The following ETV5 variants were observed in gnomAD, a reference collection of about 807,000 sequenced individuals.
ETV5 encodes the protein ETS variant transcription factor 5.
ETV5 carries 10 observed loss-of-function variants against 70.0 expected under a neutral mutation model. That is an observed-to-expected ratio of 0.14 (90% confidence interval 0.09 to 0.24). The LOEUF (loss-of-function observed/expected upper bound fraction) is 0.24. Among genes scored for constraint, ETV5 ranks in the 10% least tolerant of loss-of-function variants. ETV5 has a pLI of 1.00. For missense variants in ETV5, 453 were observed against 651.2 expected, an observed-to-expected ratio of 0.70 and a Z score of 3.31; for synonymous variants, 216 against 242.2, an observed-to-expected ratio of 0.89 and a Z score of 1.01.
rs149408913 is a variant in ETV5 at position 186,055,260 on chromosome 3, A to G, written c.1209+1815T>C. 1.5e-3 allele frequency among the ~76,000 whole-genome samples: 234 copies of G among 152,354 alleles called. 3 individuals carry two copies. The highest frequency in any genetic ancestry group is 3.9e-3 in the South Asian group (19 of 4,830). ...CCTGTTTGTGAAACAAGATAAATCA[A>G]TAAGGGCTGCCCACATGACAGAACT... On this transcript the variant is annotated intron_variant, in intron 11 of 12. Coordinates refer to ENST00000306376, the MANE Select transcript of ETV5 (RefSeq NM_004454.3).
chr3:186,075,763 A>G (rs1713768777), intron 7 of ETV5, among the ~76,000 whole-genome samples: 1 of 152,244 alleles, frequency 6.6e-6, no homozygotes. Flanking sequence ...GCTATCCAGA[A>G]GCAGAGGATT....
At chr3:186,059,031 T>A (rs9883554) in intron 9 of ETV5, among the ~76,000 whole-genome samples, 101,309 of 148,662 alleles carry the variant, frequency 0.68, 36,110 homozygotes, top group Non-Finnish European at 0.8. Flanking sequence ...AAAAATAAAA[T>A]AAAAATAAAA....
intron 7 of ETV5, among the ~76,000 whole-genome samples, chr3:186,076,781 A>C (rs1216559780): frequency 6.6e-6 from 1 of 152,230 alleles, no homozygotes; most frequent in Admixed American, 6.5e-5. Flanking sequence ...CAGATACGGC[A>C]CACCCAGCAA....
At position 186,105,323 on chromosome 3, in the gene ETV5, C is replaced by T. The variant is rs751536392; in HGVS notation, c.214G>A (p.Asp72Asn). 1.9e-6 allele frequency: 3 copies of T among 1,612,700 alleles called. No homozygotes were observed. The highest frequency in any genetic ancestry group is 2.5e-6 in the Non-Finnish European group (3 of 1,179,792). ...QVPDDEQFVP[D>N]FQSDNLVLHA... is the part of the protein sequence containing the mutation. ...TACTTACGGTTATCAGACTGAAAAT[C>T]TGGGACAAACTGTTCATCATCAGGA... is the stretch of plus-strand genomic sequence containing the variant. Residue 72 changes from aspartate to asparagine, a missense_variant, in exon 5 of 13, where the codon GAT becomes AAT. Physicochemically the swap from Asp to Asn is conservative, Grantham distance 23 (BLOSUM62 1). Coordinates refer to ENST00000306376, the MANE Select transcript of ETV5 (RefSeq NM_004454.3). This position sits in a 1 kb window ranked among gnomAD's most constrained non-coding sequence, Gnocchi z 4.5.
chr3:186,087,625 T>C (rs1479584181), intron 5 of ETV5, among the ~76,000 whole-genome samples: 1 of 152,112 alleles, frequency 6.6e-6, no homozygotes, highest in Non-Finnish European at 1.5e-5. Flanking sequence ...TGTTTTAAAA[T>C]AGAAAAAATA....
intron 7 of ETV5, chr3:186,078,350 A>G (rs60445894): frequency 0.14 from 40,273 of 288,330 alleles, 5,699 homozygotes; most frequent in East Asian, 0.55. Context: ...TTCCTCCCCA[A>G]TTTCCCCATA....
intron 11 of ETV5, among the ~76,000 whole-genome samples, chr3:186,056,339 C>T (rs1405020742): frequency 6.6e-6 from 1 of 152,150 alleles, no homozygotes; most frequent in African/African-American, 2.4e-5. Flanking sequence ...ATCGATCCTC[C>T]CTGCCTCAGT....
chr3:186,076,026 G>A (rs1009785458), intron 7 of ETV5, among the ~76,000 whole-genome samples: 40 of 152,182 alleles, frequency 2.6e-4, no homozygotes, highest in African/African-American at 9.6e-4. Flanking sequence ...CCCAGCACAT[G>A]TAAACATCAT....
At chr3:186,108,373 C>T (rs1578566890) in intron 1 of ETV5, 2 of 607,488 alleles carry the variant, frequency 3.3e-6, no homozygotes, top group Admixed American at 4.7e-5. Flanking sequence ...AGCAGGGCGA[C>T]TGGATGTCCA....
chr3:186,052,191 C>A lies in ETV5; in HGVS notation c.1210-60G>T. ...GCATTCCCTGGGCCCCATGTTCTCT[C>A]CCAATCCCAGCAGAGCCAGTTCTGT... On this transcript the variant is annotated intron_variant, in intron 11 of 12. Transcript: ENST00000306376. The surrounding 1 kb of genome is among the most constrained non-coding windows in gnomAD (Gnocchi z 4.5). 3 of 1,531,002 alleles carry A rather than the reference C, an allele frequency of 2.0e-6. No homozygotes were observed. The highest frequency in any genetic ancestry group is 2.7e-6 in the Non-Finnish European group (3 of 1,106,554). 94.8% of individuals were successfully genotyped at this position (1,531,002 alleles called of 1,614,324 possible). A position where few individuals can be genotyped will look rare whatever the true frequency, so the allele number is the denominator to read the frequency against.
chr3:186,104,591 T>C (rs1310156750), intron 5 of ETV5, among the ~76,000 whole-genome samples: 1 of 151,988 alleles, frequency 6.6e-6, no homozygotes, highest in African/African-American at 2.4e-5. Flanking sequence ...AAAAGAGAAA[T>C]ATCAGGTTCA....
chr3:186,075,053 C>G (rs1246280020), intron 7 of ETV5, among the ~76,000 whole-genome samples: 1 of 152,018 alleles, frequency 6.6e-6, no homozygotes, highest in East Asian at 1.9e-4. Context: ...TTTCAGTAAA[C>G]TGGGGATAAA....
intron 5 of ETV5, among the ~76,000 whole-genome samples, chr3:186,102,030 G>A (rs1409617655): frequency 6.6e-6 from 1 of 151,972 alleles, no homozygotes; most frequent in Admixed American, 6.6e-5. Context: ...AAGTAAGCTG[G>A]GCATTTCTAT....
Position 186,105,570 on chromosome 3 carries a change from G to T in ETV5, c.133+55C>A. Reference sequence around the variant, plus strand: ...GGAGAAGACAGGGAAGAATCTACACGCTACTGTCACTGGGAGCAGGGAAGC... The same window carrying T: ...GGAGAAGACAGGGAAGAATCTACACTCTACTGTCACTGGGAGCAGGGAAGC... On this transcript the variant is annotated intron_variant, in intron 3 of 12. Coordinates refer to ENST00000306376, the MANE Select transcript of ETV5 (RefSeq NM_004454.3). This position sits in a 1 kb window ranked among gnomAD's most constrained non-coding sequence, Gnocchi z 4.5. 1 of 1,610,598 alleles carries T rather than the reference G, an allele frequency of 6.2e-7. No homozygotes were observed. Among genetic ancestry groups the T allele is most frequent in the Non-Finnish European group, 8.5e-7 (1 of 1,176,746 alleles).
At chr3:186,108,050 G>A (rs1490476915) in intron 1 of ETV5, among the ~76,000 whole-genome samples, 1 of 149,176 alleles carries the variant, frequency 6.7e-6, no homozygotes, top group Non-Finnish European at 1.5e-5. Context: ...AAAGAAACCC[G>A]CTTCATTCAT....
chr3:186,055,267 C>A (rs1713129972), intron 11 of ETV5, among the ~76,000 whole-genome samples: 3 of 152,218 alleles, frequency 2.0e-5, no homozygotes, highest in Admixed American at 1.3e-4. Flanking sequence ...TCAATAAGGG[C>A]TGCCCACATG....
At chr3:186,068,947 G>A (rs1418381964) in intron 7 of ETV5, among the ~76,000 whole-genome samples, 2 of 152,182 alleles carry the variant, frequency 1.3e-5, no homozygotes, top group African/African-American at 4.8e-5. Context: ...TAATATTAAG[G>A]TCTTATTCTC....
rs985880902 is a variant in ETV5, at chr3:186,048,452, C to G, written c.*187G>C. On this transcript the variant is annotated 3_prime_UTR_variant, in exon 13 of 13. Coordinates refer to ENST00000306376, the MANE Select transcript of ETV5 (RefSeq NM_004454.3). ...CCTTTTGGTGGTTTTCTGCCCCTCC[C>G]TGTTCCCACTCCCCAGCCAATGTAT... 1 of 601,194 alleles carries G rather than the reference C, an allele frequency of 1.7e-6. No homozygotes were observed. Among genetic ancestry groups the G allele is most frequent in the African/African-American group, 1.9e-5 (1 of 53,840 alleles). 37.2% of individuals were successfully genotyped at this position (601,194 alleles called of 1,614,324 possible). A position where few individuals can be genotyped will look rare whatever the true frequency, so the allele number is the denominator to read the frequency against.
chr3:186,104,739 A>ATCC (rs1208471691), intron 5 of ETV5, among the ~76,000 whole-genome samples: 1 of 146,898 alleles, frequency 6.8e-6, no homozygotes, highest in Non-Finnish European at 1.5e-5. Context: ...GCTTTGCAAT[A>ATCC]TTCTTTTTTT....
Sources: allele counts gnomAD v4.1 joint callset (sites outside exome capture counted in the v4.1 genomes callset), GRCh38; gene constraint gnomAD v4.1.1; non-coding constraint Gnocchi (gnomAD v3.1); transcripts MANE v1.5; gene names NCBI Gene and HGNC (gene_info 2026-07-23, HGNC 2026-07-21).